The following PTPN3 variants were observed in gnomAD, a reference collection of about 807,000 sequenced individuals.
PTPN3 encodes tyrosine-protein phosphatase non-receptor type 3.
PTPN3 carries 96 observed loss-of-function variants against 132.7 expected under a neutral mutation model. The observed-to-expected ratio is 0.72, with a 90% CI of 0.61 to 0.86. The LOEUF is 0.86. PTPN3 is among the 40% of genes least tolerant of loss of function. PTPN3 has a pLI of 0.00. For synonymous variants in PTPN3, 398 were observed against 429.0 expected (o/e 0.93, Z 0.89); for missense variants, 1,125 against 1,159.6 (o/e 0.97, Z 0.43).
intron 1 of PTPN3, among the ~76,000 whole-genome samples, chr9:109,464,339 G>A (rs1404299313): frequency 1.3e-5 from 2 of 152,182 alleles, no homozygotes; most frequent in Non-Finnish European, 2.9e-5. Context: ...AGCATCTTGT[G>A]GGAGCTAAAC....
intron 1 of PTPN3, among the ~76,000 whole-genome samples, chr9:109,497,144 C>T (rs1847705836): frequency 1.3e-5 from 2 of 152,160 alleles, no homozygotes; most frequent in Admixed American, 6.5e-5. Context: ...TTGACTTCGG[C>T]AGAAGTTCTC....
At chr9:109,537,278 G>C in the PTPN3 span, among the ~76,000 whole-genome samples, 1 of 152,182 alleles carries the variant, frequency 6.6e-6, no homozygotes, top group Non-Finnish European at 1.5e-5. Context: ...ATAGTGACTA[G>C]TACCCTTGGC....
At chr9:109,434,139 TTG>T (rs1174507448) in intron 9 of PTPN3, among the ~76,000 whole-genome samples, 2 of 152,154 alleles carry the variant, frequency 1.3e-5, no homozygotes, top group Non-Finnish European at 2.9e-5. Flanking sequence ...TACTTGGTTT[TTG>T]TGTGTTTGGT....
chr9:109,379,235 G>A lies in PTPN3; in HGVS notation c.*321C>T, dbSNP rs1403553272. On this transcript the variant is annotated 3_prime_UTR_variant, in exon 26 of 26. Transcript: ENST00000374541. ...GAGGACAACAGCTCTGTGGGTGTCC[G>A]GTCTCAATTGCTCCAGGATGCCGAC... 1.5e-5 allele frequency: 4 copies of A among 270,154 alleles called. No individual in the cohort carries two copies. Among genetic ancestry groups the A allele is most frequent in the East Asian group, 8.2e-5 (1 of 12,180 alleles). 16.7% of individuals were successfully genotyped at this position (270,154 alleles called of 1,614,324 possible).
intron 7 of PTPN3, among the ~76,000 whole-genome samples, chr9:109,439,583 T>A (rs1588429529): frequency 6.6e-6 from 1 of 152,284 alleles, no homozygotes; most frequent in South Asian, 2.1e-4. Context: ...GTGAGACAGG[T>A]AGCTGCTTGG....
chr9:109,426,212 G>T (rs1843269990), intron 12 of PTPN3, among the ~76,000 whole-genome samples: 1 of 149,222 alleles, frequency 6.7e-6, no homozygotes, highest in Non-Finnish European at 1.5e-5. Context: ...ATATATCAAT[G>T]TACATCCATT....
chr9:109,474,143 G>T, intron 1 of PTPN3, among the ~76,000 whole-genome samples: 1 of 152,018 alleles, frequency 6.6e-6, no homozygotes, highest in African/African-American at 2.4e-5. Context: ...ACACTTAAGA[G>T]CCAGCAAACC....
the PTPN3 span, among the ~76,000 whole-genome samples, chr9:109,536,566 G>A: frequency 6.6e-6 from 1 of 152,210 alleles, no homozygotes; most frequent in African/African-American, 2.4e-5. Context: ...TGAATCTCCA[G>A]TACGTGGCAC....
chr9:109,531,607 C>T, the PTPN3 span, among the ~76,000 whole-genome samples: 1 of 152,114 alleles, frequency 6.6e-6, no homozygotes, highest in Non-Finnish European at 1.5e-5. Context: ...TAACACCTAC[C>T]TTCAGGTGTA....
chr9:109,521,980 C>CGAGGCTCAGA, the PTPN3 span, among the ~76,000 whole-genome samples: 1 of 142,814 alleles, frequency 7.0e-6, no homozygotes, highest in African/African-American at 2.5e-5. Flanking sequence ...GAGAGGAAAC[C>CGAGGCTCAGA]GAGGCTTAGA....
intron 12 of PTPN3, among the ~76,000 whole-genome samples, chr9:109,423,975 T>C (rs1843064957): frequency 6.6e-6 from 1 of 152,232 alleles, no homozygotes; most frequent in Non-Finnish European, 1.5e-5. Context: ...AGAAATGCTG[T>C]TGTCACCCTG....
At chr9:109,439,196 A>G (rs917412876) in intron 7 of PTPN3, among the ~76,000 whole-genome samples, 2 of 152,212 alleles carry the variant, frequency 1.3e-5, no homozygotes, top group African/African-American at 4.8e-5. Flanking sequence ...GGATGGCACC[A>G]GGTGAAGAGC....
intron 8 of PTPN3, among the ~76,000 whole-genome samples, chr9:109,437,718 T>C (rs1451386660): frequency 6.6e-6 from 1 of 152,110 alleles, no homozygotes; most frequent in Non-Finnish European, 1.5e-5. Context: ...GTCAGCACTG[T>C]ACGTCCATCT....
chr9:109,535,529 A>G, the PTPN3 span, among the ~76,000 whole-genome samples: 4 of 151,194 alleles, frequency 2.6e-5, no homozygotes, highest in South Asian at 2.1e-4. Context: ...TTTTTTTGAG[A>G]CAGAGTTTCT....
chr9:109,414,964 C>G (rs1452718147), intron 14 of PTPN3, among the ~76,000 whole-genome samples: 1 of 151,882 alleles, frequency 6.6e-6, no homozygotes, highest in Non-Finnish European at 1.5e-5. Flanking sequence ...AGGGGGCATC[C>G]CATTGTGAAA....
the PTPN3 span, among the ~76,000 whole-genome samples, chr9:109,520,613 T>G: frequency 6.6e-6 from 1 of 152,180 alleles, no homozygotes; most frequent in Non-Finnish European, 1.5e-5. Flanking sequence ...TTGACAGTGT[T>G]TCCTTTTGGA....
In PTPN3 at chr9:109,457,217, T is replaced by C; in HGVS notation, c.247-2A>G. On this transcript the variant is annotated splice_acceptor_variant, in intron 3 of 25. Transcript: ENST00000374541. LOFTEE classifies it high-confidence loss of function. ...GGCTTTGCTTGCTTCCAGCCATCTC[T>C]GTTGGACAAGAAAACATAAAATATA... 2 of 1,613,990 alleles carry C rather than the reference T, an allele frequency of 1.2e-6. No homozygotes were observed. The highest frequency in any genetic ancestry group is 1.7e-6 in the Non-Finnish European group (2 of 1,179,936).
intron 19 of PTPN3, 37 bp downstream of exon 19, chr9:109,404,411 G>A (rs754233522): frequency 1.0e-5 from 14 of 1,338,502 alleles, no homozygotes; most frequent in Admixed American, 7.2e-5. Context: ...CCCAATAGGC[G>A]ACATGGCAGT....
chr9:109,501,723 G>A (rs1847866495), upstream of PTPN3, among the ~76,000 whole-genome samples: 1 of 152,160 alleles, frequency 6.6e-6, no homozygotes, highest in African/African-American at 2.4e-5. Flanking sequence ...ATTGGGAATA[G>A]AGCTGTACTC....
Sources: gnomAD v4.1 joint callset for allele counts (sites outside exome capture counted in the v4.1 genomes callset) on GRCh38, gnomAD v4.1.1 for gene constraint, MANE v1.5 for transcripts, NCBI Gene and HGNC (gene_info 2026-07-23, HGNC 2026-07-21) for gene names.